HS3ST4: variants seen among roughly 807,000 people sequenced by gnomAD.
The protein encoded by HS3ST4 is heparan sulfate-glucosamine 3-sulfotransferase 4.
Under a neutral mutation model 29.2 loss-of-function variants are expected in HS3ST4, and 17 were observed. The ratio of observed to expected loss-of-function variants is 0.58; its 90% CI spans 0.40 to 0.87. The LOEUF (loss-of-function observed/expected upper bound fraction) is 0.87. Among genes scored for constraint, HS3ST4 ranks in the 40% least tolerant of loss-of-function variants. The pLI, the probability that HS3ST4 is intolerant of heterozygous loss-of-function variation, is 0.00. For missense variants in HS3ST4, 627 were observed against 634.5 expected, an observed-to-expected ratio of 0.99 and a Z score of 0.13; for synonymous variants, 314 against 285.7, an observed-to-expected ratio of 1.10 and a Z score of -1.00.
chr16:26,029,564 CA>C (rs1401452168), intron 1 of HS3ST4, among the ~76,000 whole-genome samples: 2 of 152,140 alleles, frequency 1.3e-5, no homozygotes, highest in African/African-American at 4.8e-5. Flanking sequence ...AGGCATGCGC[CA>C]CCATGCCCGG....
At chr16:26,119,076 A>G (rs1421831448) in intron 1 of HS3ST4, among the ~76,000 whole-genome samples, 1 of 152,220 alleles carries the variant, frequency 6.6e-6, no homozygotes. Flanking sequence ...TTTTTGATTT[A>G]AAAAACTAAA....
intron 1 of HS3ST4, among the ~76,000 whole-genome samples, chr16:25,785,459 T>A (rs915992544): frequency 6.6e-6 from 1 of 152,224 alleles, no homozygotes; most frequent in Non-Finnish European, 1.5e-5. Flanking sequence ...TTCAGGAATT[T>A]CAATCATTCA....
Position 26,135,813 on chromosome 16 carries a change from G to A in HS3ST4, c.936G>A (p.Glu312=), listed in dbSNP as rs770878088. 1 of 1,614,038 alleles carries A rather than the reference G, an allele frequency of 6.2e-7. No individual in the cohort carries two copies. The highest frequency in any genetic ancestry group is 8.5e-7 in the Non-Finnish European group (1 of 1,179,930). Residue 312 remains glutamate, a synonymous_variant, in exon 2 of 2, where the codon GAG becomes GAA. Transcript: ENST00000331351. The stretch of plus-strand genomic sequence containing the variant: ...AGAAACCCGAGATCCCCACCTTTGA[G>A]GTGCTGGCCTTCAAAAACCGGACCC... ...LSKKPEIPTF[E]VLAFKNRTLG... is the part of the protein sequence containing the mutation.
chr16:26,102,157 T>TA (rs957960685), intron 1 of HS3ST4, among the ~76,000 whole-genome samples: 8 of 151,744 alleles, frequency 5.3e-5, no homozygotes, highest in Non-Finnish European at 7.4e-5. Flanking sequence ...AGGGTCAATA[T>TA]AAAAAAAACA....
chr16:26,127,657 G>A (rs776701238), intron 1 of HS3ST4, among the ~76,000 whole-genome samples: 1 of 152,098 alleles, frequency 6.6e-6, no homozygotes, highest in Non-Finnish European at 1.5e-5. Flanking sequence ...TGCCACATAC[G>A]AGCTGTGTGA....
intron 1 of HS3ST4, among the ~76,000 whole-genome samples, chr16:25,702,249 T>C (rs1209092204): frequency 6.6e-6 from 1 of 152,208 alleles, no homozygotes; most frequent in African/African-American, 2.4e-5. Context: ...CCTATGAATC[T>C]ATTGGAAACA....
chr16:25,769,310 G>T (rs1479245528), intron 1 of HS3ST4, among the ~76,000 whole-genome samples: 2 of 151,974 alleles, frequency 1.3e-5, no homozygotes, highest in African/African-American at 4.8e-5. Context: ...ATGGAGGTTT[G>T]ATCTTTCTCA....
chr16:25,935,461 G>T (rs1968509142), intron 1 of HS3ST4, among the ~76,000 whole-genome samples: 1 of 152,056 alleles, frequency 6.6e-6, no homozygotes, highest in African/African-American at 2.4e-5. Context: ...AATCCTCTGT[G>T]CTCTACCTTT....
intron 1 of HS3ST4, among the ~76,000 whole-genome samples, chr16:26,050,441 T>C (rs1898328219): frequency 6.6e-6 from 1 of 152,186 alleles, no homozygotes; most frequent in Non-Finnish European, 1.5e-5. Flanking sequence ...GGATTGAACA[T>C]GTCCACACAC....
intron 1 of HS3ST4, among the ~76,000 whole-genome samples, chr16:25,717,081 A>G (rs1966459477): frequency 6.6e-6 from 1 of 152,132 alleles, no homozygotes; most frequent in East Asian, 1.9e-4. Flanking sequence ...CAGGGAGGGA[A>G]TTACAAGTGA....
At chr16:25,991,977 C>G (rs1969118078) in intron 1 of HS3ST4, among the ~76,000 whole-genome samples, 1 of 152,150 alleles carries the variant, frequency 6.6e-6, no homozygotes, top group African/African-American at 2.4e-5. Flanking sequence ...GCCGAGATGG[C>G]ACCACTGCAC....
intron 1 of HS3ST4, among the ~76,000 whole-genome samples, chr16:25,963,220 A>G (rs1451496655): frequency 6.6e-6 from 1 of 152,158 alleles, no homozygotes; most frequent in East Asian, 1.9e-4. Context: ...AACTCAACTC[A>G]TGAACCCATG....
At chr16:25,795,922 T>C (rs1037444305) in intron 1 of HS3ST4, among the ~76,000 whole-genome samples, 1 of 152,014 alleles carries the variant, frequency 6.6e-6, no homozygotes, top group Non-Finnish European at 1.5e-5. Flanking sequence ...TCTCTCTTCA[T>C]CACTGTGAGA....
chr16:25,792,876 A>G (rs1966872508), intron 1 of HS3ST4, among the ~76,000 whole-genome samples: 1 of 151,854 alleles, frequency 6.6e-6, no homozygotes, highest in African/African-American at 2.4e-5. Flanking sequence ...TTTGAGCTAG[A>G]CAATTGTTTT....
At chr16:25,693,968 A>G (rs1966275200) in intron 1 of HS3ST4, among the ~76,000 whole-genome samples, 2 of 152,244 alleles carry the variant, frequency 1.3e-5, no homozygotes, top group Non-Finnish European at 2.9e-5. Flanking sequence ...CAGGTAAAAT[A>G]AATTAATAAT....
At chr16:25,788,613 T>A (rs1203853337) in intron 1 of HS3ST4, among the ~76,000 whole-genome samples, 1 of 138,820 alleles carries the variant, frequency 7.2e-6, no homozygotes, top group Non-Finnish European at 1.5e-5. Context: ...TGATCCTAGC[T>A]CACTGCAGCC....
chr16:26,093,435 G>T (rs540162884), intron 1 of HS3ST4, among the ~76,000 whole-genome samples: 1 of 152,334 alleles, frequency 6.6e-6, no homozygotes, highest in African/African-American at 2.4e-5. Flanking sequence ...AATATTTGCT[G>T]TTCTGCAGCC....
chr16:25,998,444 G>A (rs1969176003), intron 1 of HS3ST4, among the ~76,000 whole-genome samples: 1 of 152,182 alleles, frequency 6.6e-6, no homozygotes, highest in Admixed American at 6.5e-5. Flanking sequence ...GAGTCATATT[G>A]AGTTAGTCGT....
At chr16:25,816,404 G>A (rs1023917308) in intron 1 of HS3ST4, among the ~76,000 whole-genome samples, 3 of 152,100 alleles carry the variant, frequency 2.0e-5, no homozygotes, top group Non-Finnish European at 2.9e-5. Flanking sequence ...TCCAGCACCC[G>A]TCCAGACTCG....
Sources: gnomAD v4.1 joint callset for allele counts (sites outside exome capture counted in the v4.1 genomes callset) on GRCh38, gnomAD v4.1.1 for gene constraint, MANE v1.5 for transcripts, NCBI Gene and HGNC (gene_info 2026-07-23, HGNC 2026-07-21) for gene names.